Variants in LETM1 observed in about 807,000 individuals in gnomAD.
LETM1 encodes the protein leucine zipper and EF-hand containing transmembrane protein 1, also known as mitochondrial proton/calcium exchanger protein.
Under a neutral mutation model 74.5 loss-of-function variants are expected in LETM1, and 50 were observed. The observed-to-expected ratio is 0.67, with a 90% CI of 0.53 to 0.85. The LOEUF (loss-of-function observed/expected upper bound fraction) is 0.85, where lower values mean the gene tolerates loss of function less well. Ranked by LOEUF, LETM1 falls within the 40% of genes least tolerant of loss-of-function variation. LETM1 has a pLI of 0.00. For missense variants in LETM1, 824 were observed against 967.8 expected, an observed-to-expected ratio of 0.85 and a Z score of 1.97; for synonymous variants, 446 against 407.1, an observed-to-expected ratio of 1.10 and a Z score of -1.15.
At chr4:1,853,174 C>T (rs933598732) in intron 1 of LETM1, among the ~76,000 whole-genome samples, 4 of 151,940 alleles carry the variant, frequency 2.6e-5, no homozygotes, top group Admixed American at 6.6e-5. Context: ...TGTCCCCAGG[C>T]GGCTCAGGCC....
At chr4:1,848,751 C>T (rs112177488) in intron 2 of LETM1, among the ~76,000 whole-genome samples, 7,811 of 146,904 alleles carry the variant, frequency 0.053, 692 homozygotes, top group African/African-American at 0.18. Context: ...AAAAAAAAGT[C>T]GCAGTTTCCA....
intron 4 of LETM1, among the ~76,000 whole-genome samples, chr4:1,835,446 A>G (rs574052986): frequency 6.6e-6 from 1 of 151,554 alleles, no homozygotes; most frequent in Non-Finnish European, 1.5e-5. Flanking sequence ...GTCTCAAAAA[A>G]AAAACAAAAA....
chr4:1,831,942 A>T (rs887886206), intron 6 of LETM1, among the ~76,000 whole-genome samples: 1 of 152,254 alleles, frequency 6.6e-6, no homozygotes, highest in Admixed American at 6.5e-5. Context: ...TGCATTCAAA[A>T]AGACAGATGA....
Position 1,850,134 on chromosome 4 carries a change from A to G in LETM1, c.83-925T>C, listed in dbSNP as rs1577328552. The stretch of plus-strand genomic sequence containing the variant: ...GCACCATTGCACTCCAGCCTGGGCA[A>G]CAAGAGTGAAACTCCGTCTCAAAAA... On this transcript the variant is annotated intron_variant, in intron 1 of 13. Transcript: ENST00000302787. 2.0e-5 allele frequency among the ~76,000 whole-genome samples: 3 copies of G among 152,226 alleles called. No homozygotes were observed. In the East Asian group the frequency reaches 5.8e-4, roughly 30 times the overall value.
intron 12 of LETM1, among the ~76,000 whole-genome samples, chr4:1,816,011 C>T (rs974092100): frequency 2.6e-5 from 4 of 152,274 alleles, no homozygotes; most frequent in Admixed American, 6.5e-5. Context: ...AACACAGAAA[C>T]ACCACCAGGT....
chr4:1,844,670 GCAGGGAGGCAGAGGCTA>G (rs1209880268), intron 2 of LETM1, among the ~76,000 whole-genome samples: 68 of 152,016 alleles, frequency 4.5e-4, no homozygotes, highest in African/African-American at 1.6e-3. Flanking sequence ...GGTGGAGGCT[GCAGGGAGGCAGAGGCTA>G]CAGTGAGCCG....
At position 1,841,458 on chromosome 4, in the gene LETM1, C is replaced by T. The variant is rs374924305; in HGVS notation, c.483G>A (p.Leu161=). 6.2e-7 allele frequency: 1 copy of T among 1,614,138 alleles called. No individual in the cohort carries two copies. The highest frequency in any genetic ancestry group is 1.3e-5 in the African/African-American group (1 of 74,942). The change falls in exon 3 of 14, where the codon CTG becomes CTA. Residue 161 remains leucine, a synonymous_variant. Coordinates refer to ENST00000302787, the MANE Select transcript of LETM1 (RefSeq NM_012318.3). ...KSLGQRVLDE[L]KHYYHGFRLL... Reference sequence around the variant, plus strand: ...GGCGGAAGCCATGGTAGTAGTGCTTCAGCTCGTCCAGCACCCGCTGCCCCA... The same window carrying T: ...GGCGGAAGCCATGGTAGTAGTGCTTTAGCTCGTCCAGCACCCGCTGCCCCA...
chr4:1,845,326 G>A (rs1409443192), intron 2 of LETM1, among the ~76,000 whole-genome samples: 1 of 151,410 alleles, frequency 6.6e-6, no homozygotes, highest in African/African-American at 2.4e-5. Flanking sequence ...CTACTTATCT[G>A]GTGACTACAA....
Position 1,827,966 on chromosome 4 carries a change from G to A in LETM1, c.1081-2283C>T, listed in dbSNP as rs565749988. ...CGGATGGGGCGGCTGGCCGGGCAGA[G>A]GGGCTCCCCACTTCCCAGCAGGGGC... On this transcript the variant is annotated intron_variant, in intron 6 of 13. Transcript: ENST00000302787. Among the ~76,000 whole-genome samples, 16 of 148,230 alleles carry A rather than the reference G, an allele frequency of 1.1e-4. 1 individual carries two copies. In the East Asian group the frequency reaches 3.1e-3, roughly 28 times the overall value.
At chr4:1,815,586 T>C (rs1203372085) in intron 13 of LETM1, 78 bp downstream of exon 13, 5 of 1,533,068 alleles carry the variant, frequency 3.3e-6, no homozygotes, top group Middle Eastern at 2.2e-4. Flanking sequence ...GTGCCGGACA[T>C]GCAATGAACA....
intron 2 of LETM1, among the ~76,000 whole-genome samples, chr4:1,846,221 AT>A (rs1194608332): frequency 6.6e-6 from 1 of 152,058 alleles, no homozygotes; most frequent in Non-Finnish European, 1.5e-5. Flanking sequence ...CATTGTTTAA[AT>A]TTTTAAGTAG....
At chr4:1,837,344 A>G (rs1049112045) in intron 3 of LETM1, among the ~76,000 whole-genome samples, 8 of 152,072 alleles carry the variant, frequency 5.3e-5, no homozygotes, top group African/African-American at 1.9e-4. Flanking sequence ...CTCCACTCTC[A>G]TGGGCACAAA....
In LETM1 at chr4:1,841,548, G is replaced by C. The variant is rs145996246; in HGVS notation, c.393C>G (p.Asn131Lys). The change falls in exon 3 of 14, where the codon AAC becomes AAG. Residue 131 changes from asparagine to lysine, a missense_variant. By Grantham distance (94) the Asn-to-Lys change is moderately conservative (BLOSUM62 0). Around this residue, in one of 4 missense-constraint regions of LETM1, gnomAD observed 222 missense variants for 195.6 expected, o/e 1.14. Transcript: ENST00000302787. ...CCGGGCCGCCTTCCTCCAGCTTCTTGTTCTTGTCCTTCAAGGACTTGAGGG... is the reference window on the plus strand; with the variant it reads ...CCGGGCCGCCTTCCTCCAGCTTCTTCTTCTTGTCCTTCAAGGACTTGAGGG... ...EKSLKSLKDK[N>K]KKLEEGGPVY... is the part of the protein sequence containing the mutation. 3.1e-6 allele frequency: 5 copies of C among 1,614,098 alleles called. No individual in the cohort carries two copies. The African/African-American group carries it at 6.7e-5, about 22-fold the overall frequency.
At chr4:1,833,074 T>C (rs932977730) in intron 5 of LETM1, 127 bp from the exon 6 acceptor site, 7 of 221,750 alleles carry the variant, frequency 3.2e-5, no homozygotes, top group South Asian at 1.0e-4. Flanking sequence ...CTACTTCTTC[T>C]TTTTTTTTTT....
chr4:1,816,468 G>C (rs1711574299), intron 12 of LETM1, among the ~76,000 whole-genome samples: 1 of 152,154 alleles, frequency 6.6e-6, no homozygotes, highest in Non-Finnish European at 1.5e-5. Context: ...AGCCAACAGA[G>C]GTGGAGGTTG....
chr4:1,835,823 A>G (rs993668696), intron 4 of LETM1, among the ~76,000 whole-genome samples: 1 of 152,180 alleles, frequency 6.6e-6, no homozygotes, highest in African/African-American at 2.4e-5. Flanking sequence ...GCTCACACCC[A>G]TAATAACACT....
rs753761356 is a variant in LETM1, at chr4:1,832,747, G to C, written c.1077C>G (p.Asp359Glu). 7 of 1,614,000 alleles carry C rather than the reference G, an allele frequency of 4.3e-6. No homozygotes were observed. The highest frequency in any genetic ancestry group is 5.9e-6 in the Non-Finnish European group (7 of 1,179,970). Residue 359 changes from aspartate (D) to glutamate (E), a missense_variant, in exon 6 of 14, where the codon GAC (aspartate) becomes GAG (glutamate). Transcript: ENST00000302787. ...TMRLRSIKAD[D>E]KLIAEEGVDS... The stretch of plus-strand genomic sequence containing the variant: ...CGCGGAGTATGGCCAGGCTCACCTT[G>C]TCGTCTGCCTTTATGGAGCGCAGCC...
chr4:1,831,688 T>C (rs1333518198), intron 6 of LETM1, among the ~76,000 whole-genome samples: 1 of 152,202 alleles, frequency 6.6e-6, no homozygotes, highest in Non-Finnish European at 1.5e-5. Context: ...AAGGGCGGGA[T>C]ACAGGCTCCC....
chr4:1,820,125 G>A (rs1369818122), intron 10 of LETM1, among the ~76,000 whole-genome samples: 1 of 151,918 alleles, frequency 6.6e-6, no homozygotes, highest in Non-Finnish European at 1.5e-5. Flanking sequence ...TTGTAAAGAC[G>A]GCGTCTCACT....
Sources: gnomAD v4.1 joint callset for allele counts (sites outside exome capture counted in the v4.1 genomes callset) on GRCh38, gnomAD v4.1.1 for gene constraint, gnomAD v4.1.1 regional missense constraint, MANE v1.5 for transcripts, NCBI Gene and HGNC (gene_info 2026-07-23, HGNC 2026-07-21) for gene names.